SMIM14: variants seen among roughly 807,000 people sequenced by gnomAD.
The protein encoded by SMIM14 is small integral membrane protein 14.
In SMIM14, 5 loss-of-function variants were observed where a neutral mutation model predicts 12.6. That is an observed-to-expected ratio of 0.40 (90% CI 0.21 to 0.83). SMIM14 has a LOEUF of 0.83. Among genes scored for constraint, SMIM14 ranks in the 40% least tolerant of loss-of-function variants. The probability of loss-of-function intolerance (pLI) is 0.37; values close to 1 mark genes in which losing one functional copy is unlikely to be tolerated. For missense variants in SMIM14, 86 were observed against 119.1 expected, an observed-to-expected ratio of 0.72 and a Z score of 1.29; for synonymous variants, 30 against 40.1, an observed-to-expected ratio of 0.75 and a Z score of 0.95.
intron 1 of SMIM14, among the ~76,000 whole-genome samples, chr4:39,613,510 A>G (rs1006930820): frequency 2.0e-5 from 3 of 152,212 alleles, no homozygotes; most frequent in African/African-American, 7.2e-5. Context: ...GGACCCAAGA[A>G]CAAGTGTCAA....
chr4:39,580,751 T>C (rs1170243361), intron 2 of SMIM14, among the ~76,000 whole-genome samples: 1 of 151,470 alleles, frequency 6.6e-6, no homozygotes, highest in African/African-American at 2.4e-5. Flanking sequence ...GGTCTTGAAC[T>C]CCTGACCTCA....
chr4:39,636,049 T>G (rs1370596714), intron 1 of SMIM14, among the ~76,000 whole-genome samples: 1 of 151,898 alleles, frequency 6.6e-6, no homozygotes, highest in Non-Finnish European at 1.5e-5. Context: ...GGTGTGCACC[T>G]GTAATCCCAG....
intron 3 of SMIM14, among the ~76,000 whole-genome samples, chr4:39,567,803 A>C (rs2110000945): frequency 6.6e-6 from 1 of 152,218 alleles, no homozygotes; most frequent in South Asian, 2.1e-4. Flanking sequence ...GCTACTCAGG[A>C]GGCTGAAGTG....
intron 1 of SMIM14, among the ~76,000 whole-genome samples, chr4:39,610,454 T>TC (rs1330628744): frequency 4.6e-5 from 7 of 152,050 alleles, no homozygotes; most frequent in Non-Finnish European, 1.0e-4. Flanking sequence ...GATTGTCTTT[T>TC]TTTTTAAAGT....
At chr4:39,562,763 T>C (rs553202204) in intron 3 of SMIM14, among the ~76,000 whole-genome samples, 1 of 147,474 alleles carries the variant, frequency 6.8e-6, no homozygotes, top group Non-Finnish European at 1.5e-5. Context: ...CACCTTGGCC[T>C]CCCAAAGTTC....
At chr4:39,611,667 T>C (rs1715040747) in intron 1 of SMIM14, among the ~76,000 whole-genome samples, 1 of 151,968 alleles carries the variant, frequency 6.6e-6, no homozygotes, top group South Asian at 2.1e-4. Flanking sequence ...CATCTAAAAA[T>C]AATAATAATA....
At chr4:39,619,876 A>ATATTTTT (rs71192884) in intron 1 of SMIM14, among the ~76,000 whole-genome samples, 1 of 115,868 alleles carries the variant, frequency 8.6e-6, no homozygotes, top group African/African-American at 3.4e-5. Flanking sequence ...ATATATATAT[A>ATATTTTT]TTTTTTTTTT....
chr4:39,576,658 G>GTATATATA (rs1390098435), intron 2 of SMIM14, among the ~76,000 whole-genome samples: 5,101 of 40,220 alleles, frequency 0.13, 992 homozygotes, highest in Non-Finnish European at 0.15. Context: ...GTGTGTGTAT[G>GTATATATA]TGTATATATA....
chr4:39,632,615 A>G (rs1715946534), intron 1 of SMIM14, among the ~76,000 whole-genome samples: 1 of 151,334 alleles, frequency 6.6e-6, no homozygotes, highest in Admixed American at 6.6e-5. Flanking sequence ...GCAACATTGC[A>G]AAACCCCAAC....
At chr4:39,613,745 C>T (rs979822709) in intron 1 of SMIM14, among the ~76,000 whole-genome samples, 3 of 152,018 alleles carry the variant, frequency 2.0e-5, no homozygotes, top group Admixed American at 2.0e-4. Flanking sequence ...TTCATCTCCC[C>T]GATATATATC....
intron 1 of SMIM14, among the ~76,000 whole-genome samples, chr4:39,633,284 ACT>A (rs967155675): frequency 6.6e-6 from 1 of 151,818 alleles, no homozygotes; most frequent in African/African-American, 2.4e-5. Context: ...ACAAAGTGAG[ACT>A]CTGTTTCAAA....
chr4:39,637,234 C>T (rs1049581813), intron 1 of SMIM14, among the ~76,000 whole-genome samples: 3 of 152,068 alleles, frequency 2.0e-5, no homozygotes, highest in Non-Finnish European at 4.4e-5. Context: ...CTTTTATCAA[C>T]ATCTTCTCTA....
At chr4:39,604,855 C>T (rs1308352743) in intron 2 of SMIM14, among the ~76,000 whole-genome samples, 1 of 152,142 alleles carries the variant, frequency 6.6e-6, no homozygotes, top group African/African-American at 2.4e-5. Flanking sequence ...AAGTGATCCG[C>T]CCACCTTGGC....
At chr4:39,599,705 C>T (rs889801196) in intron 2 of SMIM14, among the ~76,000 whole-genome samples, 8 of 151,920 alleles carry the variant, frequency 5.3e-5, no homozygotes, top group African/African-American at 1.7e-4. Context: ...GGGTGGATCA[C>T]GAGGACAAGA....
rs951097581 is a variant in SMIM14, at chr4:39,546,695, C to A, written c.*5431G>T. ...GGATTCAGATATCCGTTGACATGTA[C>A]ATGACAATCTTTAGATTAAATCATA... is the stretch of plus-strand genomic sequence containing the variant. On this transcript the variant is annotated 3_prime_UTR_variant, in exon 5 of 5. Coordinates refer to ENST00000295958, the MANE Select transcript of SMIM14 (RefSeq NM_174921.3). The A allele has an allele frequency of 2.0e-5, 3 of 152,232 alleles. No homozygotes were observed. Among genetic ancestry groups the A allele is most frequent in the Non-Finnish European group, 4.4e-5 (3 of 68,036 alleles). 9.4% of individuals were successfully genotyped at this position (152,232 alleles called of 1,614,324 possible). A position where few individuals can be genotyped will look rare whatever the true frequency, so the allele number is the denominator to read the frequency against.
At chr4:39,588,365 G>T (rs1713891846) in intron 2 of SMIM14, among the ~76,000 whole-genome samples, 1 of 152,070 alleles carries the variant, frequency 6.6e-6, no homozygotes. Context: ...AAAATAGAGA[G>T]ACCCCATCTC....
intron 1 of SMIM14, among the ~76,000 whole-genome samples, chr4:39,624,044 A>G (rs796480699): frequency 3.3e-5 from 5 of 152,340 alleles, no homozygotes; most frequent in African/African-American, 1.2e-4. Flanking sequence ...GGGAGGCCAG[A>G]GGAAGCATTC....
At chr4:39,629,691 A>G (rs1215079514) in intron 1 of SMIM14, among the ~76,000 whole-genome samples, 1 of 152,066 alleles carries the variant, frequency 6.6e-6, no homozygotes, top group African/African-American at 2.4e-5. Flanking sequence ...TGGCGTGATC[A>G]CAGCTCCCTG....
In SMIM14 at chr4:39,547,822, T is replaced by G. The variant is rs1395817193; in HGVS notation, c.*4304A>C. On this transcript the variant is annotated 3_prime_UTR_variant, in exon 5 of 5. Coordinates refer to ENST00000295958, the MANE Select transcript of SMIM14 (RefSeq NM_174921.3). ...TAGAATAGCTGTATTCAATAATTAT[T>G]TTGGAAAATCCACATTATGAAATAT... 2 of 152,206 alleles carry G rather than the reference T, an allele frequency of 1.3e-5. No homozygotes were observed. Among genetic ancestry groups the G allele is most frequent in the Non-Finnish European group, 2.9e-5 (2 of 68,042 alleles). The allele number at this position is 152,206 out of a possible 1,614,324, so 9.4% of individuals were successfully genotyped here. A position where few individuals can be genotyped will look rare whatever the true frequency, so the allele number is the denominator to read the frequency against.
Sources: gnomAD v4.1 joint callset for allele counts (sites outside exome capture counted in the v4.1 genomes callset) on GRCh38, gnomAD v4.1.1 for gene constraint, MANE v1.5 for transcripts, NCBI Gene and HGNC (gene_info 2026-07-23, HGNC 2026-07-21) for gene names.